Variants in VTI1A observed in about 807,000 individuals in gnomAD.
VTI1A encodes the protein vesicle transport through interaction with t-SNAREs homolog 1A.
VTI1A carries 22 observed loss-of-function variants against 34.9 expected under a neutral mutation model. That is an observed-to-expected ratio of 0.63 (90% CI 0.45 to 0.90). VTI1A has a LOEUF of 0.90. VTI1A is among the 40% of genes least tolerant of loss of function. The pLI is 0.00. For missense variants in VTI1A, 268 were observed against 275.6 expected, an observed-to-expected ratio of 0.97 and a Z score of 0.20; for synonymous variants, 87 against 97.3, an observed-to-expected ratio of 0.89 and a Z score of 0.62.
chr10:112,707,821 A>G (rs1325164532), intron 7 of VTI1A, among the ~76,000 whole-genome samples: 2 of 152,248 alleles, frequency 1.3e-5, no homozygotes, highest in African/African-American at 4.8e-5. Context: ...AAAGAGTATT[A>G]GACTCTGCCA....
intron 5 of VTI1A, among the ~76,000 whole-genome samples, chr10:112,589,767 C>T (rs762479103): frequency 5.3e-5 from 8 of 151,890 alleles, no homozygotes; most frequent in Non-Finnish European, 7.4e-5. Context: ...AGTAATGCTA[C>T]TAGAAAATGG....
rs1218819877 is a variant in VTI1A at position 112,808,831 on chromosome 10, C to G, written c.561-6459C>G. ...CGGCTCTGCATTCCTCTGGTGTCGG[C>G]TTCTTTCAGGCAGCCTCGTCCGGTA... On this transcript the variant is annotated intron_variant, in intron 7 of 7. Transcript: ENST00000393077. Among the ~76,000 whole-genome samples the G allele has an allele frequency of 2.0e-5, 3 of 152,250 alleles. No homozygotes were observed. In the East Asian group the frequency reaches 5.8e-4, roughly 29 times the overall value.
At chr10:112,701,193 AG>A (rs1848996428) in intron 7 of VTI1A, among the ~76,000 whole-genome samples, 1 of 152,232 alleles carries the variant, frequency 6.6e-6, no homozygotes, top group African/African-American at 2.4e-5. Context: ...GATAATTTAA[AG>A]GTGACTGAAA....
At chr10:112,671,850 T>C (rs1178594585) in intron 7 of VTI1A, 1 of 152,190 alleles carries the variant, frequency 6.6e-6, no homozygotes, top group Non-Finnish European at 1.5e-5. Context: ...AAGATAAACA[T>C]CTATTTCCTT....
In VTI1A at chr10:112,489,837, A is replaced by C. The variant is rs376580361; in HGVS notation, c.264+25180A>C. Among the ~76,000 whole-genome samples the C allele has an allele frequency of 1.1e-4, 16 of 152,296 alleles. 1 individual carries two copies. The East Asian group carries it at 1.9e-3, about 18-fold the overall frequency. On this transcript the variant is annotated intron_variant, in intron 3 of 7. Coordinates refer to ENST00000393077, the MANE Select transcript of VTI1A (RefSeq NM_145206.4). ...ATAGGTAATTTACCTTTACTACAAGAGCTTGTAGAATGAACATTTGCCTGA... is the reference window on the plus strand; with the variant it reads ...ATAGGTAATTTACCTTTACTACAAGCGCTTGTAGAATGAACATTTGCCTGA...
chr10:112,737,273 G>A, intron 7 of VTI1A: 3 of 774,586 alleles, frequency 3.9e-6, no homozygotes, highest in Non-Finnish European at 4.8e-6. Context: ...TTGTAGAGAT[G>A]GAGTTTCACC....
intron 7 of VTI1A, among the ~76,000 whole-genome samples, chr10:112,688,642 C>T (rs1242863979): frequency 6.6e-6 from 1 of 151,854 alleles, no homozygotes; most frequent in Non-Finnish European, 1.5e-5. Context: ...CTGCCTCAGC[C>T]TCCCTAGTAC....
the VTI1A span, among the ~76,000 whole-genome samples, chr10:112,854,890 A>T: frequency 6.6e-6 from 1 of 151,984 alleles, no homozygotes; most frequent in African/African-American, 2.4e-5. Flanking sequence ...CACCCTGGAG[A>T]TGGTACCAGC....
intron 7 of VTI1A, among the ~76,000 whole-genome samples, chr10:112,801,695 C>G (rs568872102): frequency 6.6e-6 from 1 of 152,250 alleles, no homozygotes; most frequent in East Asian, 1.9e-4. Context: ...TTGGCAGCTC[C>G]CAGAGAACAC....
the VTI1A span, chr10:112,824,073 A>G: frequency 3.2e-4 from 48 of 152,230 alleles, no homozygotes; most frequent in African/African-American, 1.0e-3. Flanking sequence ...TTCAAACAGC[A>G]CCAGGGGTTG....
intron 5 of VTI1A, among the ~76,000 whole-genome samples, chr10:112,633,675 G>A (rs1000037904): frequency 1.3e-5 from 2 of 152,146 alleles, no homozygotes; most frequent in Non-Finnish European, 2.9e-5. Context: ...TTACATAAAT[G>A]TGTCACTGAG....
chr10:112,588,955 A>G (rs1235317830), intron 5 of VTI1A, among the ~76,000 whole-genome samples: 2 of 151,876 alleles, frequency 1.3e-5, no homozygotes, highest in East Asian at 1.9e-4. Flanking sequence ...ATTTCAGTCA[A>G]AAGCATCGGT....
At position 112,578,709 on chromosome 10, in the gene VTI1A, C is replaced by T. The variant is rs145281871; in HGVS notation, c.427+40379C>T. ...TTTAAGTTAGCTCACTTTTTGAAAG[C>T]GTAGCCCCATTCTAAACAATAATAT... On this transcript the variant is annotated intron_variant, in intron 5 of 7. Transcript: ENST00000393077. Among the ~76,000 whole-genome samples, 459 of 152,224 alleles carry T rather than the reference C, an allele frequency of 3.0e-3. 2 individuals carry two copies. Among genetic ancestry groups the T allele is most frequent in the African/African-American group, 0.011 (438 of 41,536 alleles).
At chr10:112,777,825 G>A (rs976461993) in intron 7 of VTI1A, among the ~76,000 whole-genome samples, 6 of 152,146 alleles carry the variant, frequency 3.9e-5, no homozygotes, top group Admixed American at 6.5e-5. Context: ...GAAAGTGGCC[G>A]GGCACCGTGG....
the VTI1A span, chr10:112,825,754 T>A: frequency 6.6e-6 from 1 of 152,206 alleles, no homozygotes; most frequent in Non-Finnish European, 1.5e-5. Context: ...GAGAGGACCC[T>A]CTCTTCCTTC....
At chr10:112,491,170 G>GA (rs1848808290) in intron 3 of VTI1A, among the ~76,000 whole-genome samples, 2 of 152,120 alleles carry the variant, frequency 1.3e-5, no homozygotes, top group Non-Finnish European at 2.9e-5. Context: ...ATCCTAGAGG[G>GA]AAAAAATGTA....
At chr10:112,481,613 G>C (rs1848459214) in intron 3 of VTI1A, among the ~76,000 whole-genome samples, 1 of 152,176 alleles carries the variant, frequency 6.6e-6, no homozygotes, top group South Asian at 2.1e-4. Context: ...TTCACCCTGT[G>C]AAGTCTTGTA....
At chr10:112,730,342 T>C (rs1169353202) in intron 7 of VTI1A, among the ~76,000 whole-genome samples, 4 of 152,170 alleles carry the variant, frequency 2.6e-5, no homozygotes, top group African/African-American at 9.7e-5. Flanking sequence ...GATAATTCTG[T>C]CTTTCAGCAC....
the VTI1A span, chr10:112,824,704 G>A: frequency 2.0e-5 from 3 of 152,270 alleles, no homozygotes; most frequent in African/African-American, 4.8e-5. Context: ...GTTGGGCCTC[G>A]GGTCTCGGGG....
Sources: gnomAD v4.1 joint callset for allele counts (sites outside exome capture counted in the v4.1 genomes callset) on GRCh38, gnomAD v4.1.1 for gene constraint, MANE v1.5 for transcripts, NCBI Gene and HGNC (gene_info 2026-07-23, HGNC 2026-07-21) for gene names.